The following PPP1R13B variants were observed in gnomAD, a reference collection of about 807,000 sequenced individuals.
The protein encoded by PPP1R13B is apoptosis-stimulating of p53 protein 1.
Under a neutral mutation model 119.8 loss-of-function variants are expected in PPP1R13B, and 44 were observed. That is an observed-to-expected ratio of 0.37 (90% CI 0.29 to 0.47). The LOEUF is 0.47. PPP1R13B is among the 20% of genes least tolerant of loss of function. PPP1R13B has a pLI of 0.99. For missense variants in PPP1R13B, 1,227 were observed against 1,413.5 expected (o/e 0.87, Z 2.12); for synonymous variants, 542 against 561.5 (o/e 0.97, Z 0.49).
intron 4 of PPP1R13B, among the ~76,000 whole-genome samples, chr14:103,768,881 T>A (rs1442866932): frequency 6.6e-6 from 1 of 152,192 alleles, no homozygotes; most frequent in Non-Finnish European, 1.5e-5. Context: ...CAGTATCTCT[T>A]TAAACTGTAC....
At chr14:103,735,892 C>A in intron 16 of PPP1R13B, 111 bp downstream of exon 16, 1 of 1,226,830 alleles carries the variant, frequency 8.2e-7, no homozygotes. Context: ...GAGGGGGCTG[C>A]TGAGGCTCAG....
chr14:103,735,924 A>G (rs2084097020), intron 16 of PPP1R13B, 79 bp downstream of exon 16: 2 of 1,485,402 alleles, frequency 1.3e-6, no homozygotes, highest in Non-Finnish European at 9.2e-7. Flanking sequence ...CTCCCTCCCC[A>G]GCCCCACAGC....
intron 1 of PPP1R13B, among the ~76,000 whole-genome samples, chr14:103,808,983 G>A (rs1476791659): frequency 1.3e-5 from 2 of 151,740 alleles, no homozygotes; most frequent in Non-Finnish European, 2.9e-5. Flanking sequence ...ATCCTCCCTC[G>A]CCTCAACTTT....
chr14:103,820,652 ATTTTTTTTTT>A (rs35928276), intron 1 of PPP1R13B, among the ~76,000 whole-genome samples: 3 of 102,590 alleles, frequency 2.9e-5, no homozygotes, highest in Non-Finnish European at 5.6e-5. Context: ...CATGCCCAGG[ATTTTTTTTTT>A]TTTTTTTTTT....
intron 5 of PPP1R13B, among the ~76,000 whole-genome samples, chr14:103,755,042 A>G (rs1036286970): frequency 6.6e-6 from 1 of 152,126 alleles, no homozygotes; most frequent in African/African-American, 2.4e-5. Flanking sequence ...TCGGCCTCCC[A>G]AAGTGCTGGG....
At chr14:103,812,530 G>A (rs1318126707) in intron 1 of PPP1R13B, among the ~76,000 whole-genome samples, 3 of 151,850 alleles carry the variant, frequency 2.0e-5, no homozygotes, top group African/African-American at 4.8e-5. Flanking sequence ...AGCGATTCTC[G>A]TGACTCAGCT....
intron 4 of PPP1R13B, among the ~76,000 whole-genome samples, chr14:103,777,787 G>A (rs1358025846): frequency 4.4e-5 from 6 of 137,212 alleles, no homozygotes; most frequent in African/African-American, 1.2e-4. Context: ...CATTACTACC[G>A]GTAAAAAGCA....
At chr14:103,844,325 G>A (rs565482637) in intron 1 of PPP1R13B, among the ~76,000 whole-genome samples, 1 of 151,932 alleles carries the variant, frequency 6.6e-6, no homozygotes, top group South Asian at 2.1e-4. Context: ...ACAGCAAATA[G>A]AAGACTTCTA....
intron 1 of PPP1R13B, among the ~76,000 whole-genome samples, chr14:103,835,311 G>A (rs75079406): frequency 0.014 from 2,187 of 152,014 alleles, 47 homozygotes; most frequent in African/African-American, 0.05. Flanking sequence ...TTTTGGTAGA[G>A]ATGGAGTTTT....
Position 103,749,769 on chromosome 14 carries a change from A to G in PPP1R13B, c.969+25T>C, listed in dbSNP as rs752165123. On this transcript the variant is annotated intron_variant, in intron 8 of 16. Transcript: ENST00000202556. ...TTGGATAAACTATCTTTAGTAGTTTATCTCACAAAAACTTTTTCACATGCC... is the reference window on the plus strand; with the variant it reads ...TTGGATAAACTATCTTTAGTAGTTTGTCTCACAAAAACTTTTTCACATGCC... The G allele has an allele frequency of 3.7e-6, 6 of 1,607,608 alleles. No individual in the cohort carries two copies. In the East Asian group the frequency reaches 1.1e-4, roughly 30 times the overall value.
intron 4 of PPP1R13B, among the ~76,000 whole-genome samples, chr14:103,771,372 T>C (rs1245738487): frequency 6.6e-6 from 1 of 151,934 alleles, no homozygotes; most frequent in African/African-American, 2.4e-5. Context: ...TCAGCAGAAG[T>C]CACGTTCAGA....
chr14:103,845,873 A>G (rs1212164399), intron 1 of PPP1R13B, among the ~76,000 whole-genome samples: 1 of 152,232 alleles, frequency 6.6e-6, no homozygotes, highest in East Asian at 1.9e-4. Context: ...TTAGAAATTG[A>G]AAATTCAAAG....
intron 4 of PPP1R13B, among the ~76,000 whole-genome samples, chr14:103,767,013 A>G (rs922795529): frequency 6.6e-6 from 1 of 152,192 alleles, no homozygotes; most frequent in African/African-American, 2.4e-5. Flanking sequence ...GCAACTCTTT[A>G]TTTTTGGAAG....
At chr14:103,833,841 C>G (rs532057893) in intron 1 of PPP1R13B, among the ~76,000 whole-genome samples, 2 of 152,164 alleles carry the variant, frequency 1.3e-5, no homozygotes, top group South Asian at 2.1e-4. Flanking sequence ...TTTGGAATGG[C>G]ATGTTTTAGT....
chr14:103,759,418 G>A (rs1432384452), intron 4 of PPP1R13B: 1 of 149,862 alleles, frequency 6.7e-6, no homozygotes, highest in Middle Eastern at 3.2e-3. Flanking sequence ...GCAGCCTTAA[G>A]CTATCCTCTC....
chr14:103,785,102 T>G (rs532280550), intron 2 of PPP1R13B, among the ~76,000 whole-genome samples, 188 bp from the exon 3 acceptor site: 12 of 152,294 alleles, frequency 7.9e-5, no homozygotes, highest in African/African-American at 2.6e-4. Context: ...GGGAAATAAT[T>G]TAGGCAACAG....
At chr14:103,839,136 C>T (rs1018402318) in intron 1 of PPP1R13B, among the ~76,000 whole-genome samples, 1 of 152,142 alleles carries the variant, frequency 6.6e-6, no homozygotes, top group African/African-American at 2.4e-5. Flanking sequence ...CCTCAGCCTC[C>T]CAAGTAGCTG....
At chr14:103,770,693 C>T (rs2085046938) in intron 4 of PPP1R13B, among the ~76,000 whole-genome samples, 3 of 152,124 alleles carry the variant, frequency 2.0e-5, no homozygotes, top group South Asian at 4.1e-4. Flanking sequence ...ACCCTGGGAG[C>T]GCTCTGCTTC....
intron 3 of PPP1R13B, among the ~76,000 whole-genome samples, chr14:103,780,159 A>G (rs556155094): frequency 6.7e-6 from 1 of 148,666 alleles, no homozygotes; most frequent in Admixed American, 6.7e-5. Flanking sequence ...AAAAAAAACC[A>G]AAACTAAAAG....
Sources: allele counts gnomAD v4.1 joint callset (sites outside exome capture counted in the v4.1 genomes callset), GRCh38; gene constraint gnomAD v4.1.1; transcripts MANE v1.5; gene names NCBI Gene and HGNC (gene_info 2026-07-23, HGNC 2026-07-21).